TNPO1: variants seen among roughly 807,000 people sequenced by gnomAD.
The protein encoded by TNPO1 is transportin 1.
TNPO1 carries 8 observed loss-of-function variants against 119.5 expected under a neutral mutation model. That is an observed-to-expected ratio of 0.07 (90% confidence interval 0.04 to 0.12). TNPO1 has a LOEUF of 0.12. TNPO1 is among the 10% of genes least tolerant of loss of function. The probability of loss-of-function intolerance (pLI) is 1.00; values close to 1 mark genes in which losing one functional copy is unlikely to be tolerated. For missense variants in TNPO1, 576 were observed against 1,089.8 expected, an observed-to-expected ratio of 0.53 and a Z score of 6.64; for synonymous variants, 362 against 363.0, an observed-to-expected ratio of 1.00 and a Z score of 0.03.
intron 9 of TNPO1, among the ~76,000 whole-genome samples, chr5:72,878,039 T>G (rs1424951112): frequency 6.6e-6 from 1 of 152,184 alleles, no homozygotes; most frequent in Non-Finnish European, 1.5e-5. Context: ...TTGTATGCTG[T>G]GTGCTTTCCT....
rs1193720152 is a variant in TNPO1, at chr5:72,913,312, T to A, written c.*4639T>A. On this transcript the variant is annotated 3_prime_UTR_variant, in exon 25 of 25. Transcript: ENST00000337273. ...ACTAATTTTTTCAATCTTACATAGATCTTTCACCCATTAGCATTACTTACG... is the reference window on the plus strand; with the variant it reads ...ACTAATTTTTTCAATCTTACATAGAACTTTCACCCATTAGCATTACTTACG... 1 of 152,508 alleles carries A rather than the reference T, an allele frequency of 6.6e-6. No individual in the cohort carries two copies. The highest frequency in any genetic ancestry group is 1.5e-5 in the Non-Finnish European group (1 of 67,936). 9.4% of individuals were successfully genotyped at this position (152,508 alleles called of 1,614,324 possible).
chr5:72,890,068 G>A (rs970284276), intron 14 of TNPO1, 111 bp downstream of exon 14: 22 of 1,182,796 alleles, frequency 1.9e-5, no homozygotes, highest in African/African-American at 3.1e-5. Context: ...AATAGTTAGC[G>A]TTAGCTACTT....
chr5:72,845,816 T>A (rs571624792), intron 1 of TNPO1, among the ~76,000 whole-genome samples: 2 of 144,926 alleles, frequency 1.4e-5, no homozygotes, highest in East Asian at 3.9e-4. Context: ...GATGTGATAA[T>A]GAAGATGCCT....
At chr5:72,837,274 A>G (rs1270567467) in intron 1 of TNPO1, among the ~76,000 whole-genome samples, 2 of 152,208 alleles carry the variant, frequency 1.3e-5, no homozygotes, top group Non-Finnish European at 2.9e-5. Context: ...GCACCAGTGA[A>G]TTAGGTGTGC....
intron 5 of TNPO1, among the ~76,000 whole-genome samples, chr5:72,864,720 T>C (rs1746750694): frequency 6.6e-6 from 1 of 152,152 alleles, no homozygotes; most frequent in South Asian, 2.1e-4. Flanking sequence ...GTGATTCTCA[T>C]GCCTCAGCCT....
At position 72,893,131 on chromosome 5, in the gene TNPO1, C is replaced by T. The variant is rs767732606; in HGVS notation, c.1789-8C>T. The stretch of plus-strand genomic sequence containing the variant: ...GAAAGTTTAGCATGTGTACTTTATT[C>T]TTCCTAGTGCCTATCTTCAGTTGCC... On this transcript the variant is annotated splice_region_variant and splice_polypyrimidine_tract_variant and intron_variant, in intron 15 of 24. Coordinates refer to ENST00000337273, the MANE Select transcript of TNPO1 (RefSeq NM_002270.4). 3.7e-6 allele frequency: 6 copies of T among 1,606,200 alleles called. No homozygotes were observed. Among genetic ancestry groups the T allele is most frequent in the Admixed American group, 1.7e-5 (1 of 58,558 alleles).
At chr5:72,903,375 C>T (rs1055928344) in intron 22 of TNPO1, among the ~76,000 whole-genome samples, 2 of 151,944 alleles carry the variant, frequency 1.3e-5, no homozygotes, top group Admixed American at 6.6e-5. Context: ...TTCTTTAATC[C>T]GGTAAATGAA....
chr5:72,837,791 A>G (rs1431901236), intron 1 of TNPO1, among the ~76,000 whole-genome samples: 3 of 152,144 alleles, frequency 2.0e-5, no homozygotes, highest in Non-Finnish European at 4.4e-5. Context: ...CTTCTCATCA[A>G]CGCCATTTCA....
At chr5:72,838,372 A>G (rs1444065743) in intron 1 of TNPO1, among the ~76,000 whole-genome samples, 1 of 152,174 alleles carries the variant, frequency 6.6e-6, no homozygotes, top group Non-Finnish European at 1.5e-5. Flanking sequence ...CCAGTGTGCT[A>G]ATTTTTTTTT....
chr5:72,854,764 T>G (rs1209813345), intron 3 of TNPO1, among the ~76,000 whole-genome samples: 1 of 152,238 alleles, frequency 6.6e-6, no homozygotes, highest in African/African-American at 2.4e-5. Flanking sequence ...TAGTATTAAG[T>G]AGCTTTTTGA....
At position 72,855,769 on chromosome 5, in the gene TNPO1, T is replaced by C. The variant is rs764619600; in HGVS notation, c.206-5T>C. 9 of 1,591,734 alleles carry C rather than the reference T, an allele frequency of 5.7e-6. No homozygotes were observed. Among genetic ancestry groups the C allele is most frequent in the East Asian group, 2.2e-5 (1 of 44,550 alleles). On this transcript the variant is annotated splice_polypyrimidine_tract_variant and splice_region_variant and intron_variant, in intron 3 of 24. Coordinates refer to ENST00000337273, the MANE Select transcript of TNPO1 (RefSeq NM_002270.4). The stretch of plus-strand genomic sequence containing the variant: ...AAACTCATTACTATTACTATTTTAT[T>C]ACAGATGAACCCACAAGATCATTGA...
chr5:72,870,158 CT>C (rs200118076), intron 6 of TNPO1, among the ~76,000 whole-genome samples: 1,145 of 106,120 alleles, frequency 0.011, 4 homozygotes, highest in Admixed American at 0.016. Flanking sequence ...ATACTAATTG[CT>C]TTTTTTTTTT....
intron 10 of TNPO1, among the ~76,000 whole-genome samples, chr5:72,882,804 G>C (rs904244340): frequency 2.7e-4 from 41 of 152,052 alleles, no homozygotes; most frequent in African/African-American, 9.7e-4. Context: ...TTTGATTCAG[G>C]TAACTTAGAT....
chr5:72,836,050 A>G (rs991753110), intron 1 of TNPO1, among the ~76,000 whole-genome samples: 1 of 152,224 alleles, frequency 6.6e-6, no homozygotes, highest in African/African-American at 2.4e-5. Flanking sequence ...TTTGCTGGGC[A>G]CAGCCTATGC....
At chr5:72,905,249 T>G in intron 23 of TNPO1, 54 bp from the exon 24 acceptor site, 2 of 1,306,734 alleles carry the variant, frequency 1.5e-6, no homozygotes, top group Admixed American at 3.8e-5. Flanking sequence ...GAAGCTATGC[T>G]GATCTGAATT....
At chr5:72,851,099 T>C (rs1745513447) in intron 2 of TNPO1, 145 bp from the exon 3 acceptor site, 1 of 619,096 alleles carries the variant, frequency 1.6e-6, no homozygotes, top group Non-Finnish European at 2.9e-6. Flanking sequence ...GTTGATAGAT[T>C]TAGTAAGATA....
intron 24 of TNPO1, among the ~76,000 whole-genome samples, chr5:72,906,023 T>C (rs944351141): frequency 4.6e-5 from 7 of 152,222 alleles, no homozygotes; most frequent in African/African-American, 1.7e-4. Flanking sequence ...GTTGGTACAC[T>C]GGTTGGATTT....
chr5:72,831,249 C>G (rs1744445682), intron 1 of TNPO1, among the ~76,000 whole-genome samples: 1 of 152,002 alleles, frequency 6.6e-6, no homozygotes, highest in South Asian at 2.1e-4. Context: ...CTTTTCTAAG[C>G]TAAAATTCAT....
At chr5:72,840,785 C>T (rs904021581) in intron 1 of TNPO1, among the ~76,000 whole-genome samples, 5 of 152,140 alleles carry the variant, frequency 3.3e-5, no homozygotes, top group African/African-American at 1.2e-4. Context: ...ACACTCTAAG[C>T]ATACATTTAT....
Sources: gnomAD v4.1 joint callset for allele counts (sites outside exome capture counted in the v4.1 genomes callset) on GRCh38, gnomAD v4.1.1 for gene constraint, MANE v1.5 for transcripts, NCBI Gene and HGNC (gene_info 2026-07-23, HGNC 2026-07-21) for gene names.